The following EEF1E1 variants were observed in gnomAD, a reference collection of about 807,000 sequenced individuals.
The protein encoded by EEF1E1 is eukaryotic translation elongation factor 1 epsilon-1.
Under a neutral mutation model 19.9 loss-of-function variants are expected in EEF1E1, and 19 were observed. That is an observed-to-expected ratio of 0.95 (90% confidence interval 0.66 to 1.40). The LOEUF (loss-of-function observed/expected upper bound fraction) is 1.40. EEF1E1 is among the 40% of genes most tolerant of loss of function. The probability of loss-of-function intolerance (pLI) is 0.00; values close to 1 mark genes in which losing one functional copy is unlikely to be tolerated. For synonymous variants in EEF1E1, 81 were observed against 80.0 expected (o/e 1.01, Z -0.07); for missense variants, 198 against 202.2 (o/e 0.98, Z 0.13).
At chr6:8,077,762 T>A (rs7748993), downstream of EEF1E1, among the ~76,000 whole-genome samples, 29,583 of 152,174 alleles carry the variant, frequency 0.19, 3,098 homozygotes, top group Admixed American at 0.26. Context: ...CGCTTTCCTA[T>A]CATCTGTGTG....
chr6:8,087,286 C>T (rs1170429367), intron 3 of EEF1E1, among the ~76,000 whole-genome samples: 1 of 152,186 alleles, frequency 6.6e-6, no homozygotes, highest in Admixed American at 6.5e-5. Flanking sequence ...GGTGCGATCT[C>T]TGCTCAGGGC....
chr6:8,099,792 A>AC (rs1554099745), intron 1 of EEF1E1, among the ~76,000 whole-genome samples: 7,705 of 77,982 alleles, frequency 0.099, 288 homozygotes, highest in Non-Finnish European at 0.12. Flanking sequence ...ACACACACAC[A>AC]AAAAAAAAAC....
intron 3 of EEF1E1, among the ~76,000 whole-genome samples, chr6:8,085,834 T>C (rs1371247199): frequency 6.6e-6 from 1 of 152,210 alleles, no homozygotes; most frequent in African/African-American, 2.4e-5. Flanking sequence ...GCCTCATGCA[T>C]TAATAACATA....
intron 3 of EEF1E1, among the ~76,000 whole-genome samples, chr6:8,074,047 G>A (rs1757537203): frequency 1.3e-5 from 2 of 152,192 alleles, no homozygotes; most frequent in African/African-American, 4.8e-5. Context: ...GAATTGATAA[G>A]GTTGGGAGAG....
At chr6:8,096,329 T>C (rs1414598860) in intron 2 of EEF1E1, among the ~76,000 whole-genome samples, 1 of 152,194 alleles carries the variant, frequency 6.6e-6, no homozygotes, top group Non-Finnish European at 1.5e-5. Flanking sequence ...CCCCTGGAAA[T>C]GCTGTGAATA....
At chr6:8,092,977 C>T (rs968793825) in intron 2 of EEF1E1, among the ~76,000 whole-genome samples, 3 of 144,188 alleles carry the variant, frequency 2.1e-5, no homozygotes, top group East Asian at 2.1e-4. Context: ...AGGGTTCAAG[C>T]GATTCTCCTG....
At chr6:8,101,530 A>G (rs1449282331) in intron 1 of EEF1E1, among the ~76,000 whole-genome samples, 1 of 151,636 alleles carries the variant, frequency 6.6e-6, no homozygotes, top group Non-Finnish European at 1.5e-5. Flanking sequence ...GGTTAACTTA[A>G]ATAAAAACTA....
At chr6:8,081,262 A>G (rs9392959) in intron 3 of EEF1E1, among the ~76,000 whole-genome samples, 29,598 of 152,218 alleles carry the variant, frequency 0.19, 3,315 homozygotes, top group Non-Finnish European at 0.26. Flanking sequence ...ACATTATAAA[A>G]ACATATTCAT....
chr6:8,102,363 C>G (rs779175190), intron 1 of EEF1E1, 72 bp downstream of exon 1: 2 of 1,472,098 alleles, frequency 1.4e-6, no homozygotes, highest in Non-Finnish European at 9.2e-7. Context: ...GTGGCCGGCC[C>G]GGGTCCTGCC....
chr6:8,101,243 A>AAAAATATAT (rs1271033598), intron 1 of EEF1E1, among the ~76,000 whole-genome samples: 4 of 58,468 alleles, frequency 6.8e-5, no homozygotes, highest in African/African-American at 2.4e-4. Flanking sequence ...AAAAAAAAAA[A>AAAAATATAT]ATATATATAT....
At chr6:8,096,663 T>G (rs1441737149) in intron 2 of EEF1E1, among the ~76,000 whole-genome samples, 1 of 152,224 alleles carries the variant, frequency 6.6e-6, no homozygotes, top group East Asian at 1.9e-4. Context: ...AAATCTGCCT[T>G]CTTTTTATAT....
chr6:8,101,780 G>C, intron 1 of EEF1E1: 1 of 1,289,218 alleles, frequency 7.8e-7, no homozygotes, highest in Non-Finnish European at 1.0e-6. Context: ...GATGTTTCCC[G>C]CATTCACTGT....
At chr6:8,094,876 C>T (rs1244966669) in intron 2 of EEF1E1, among the ~76,000 whole-genome samples, 1 of 152,122 alleles carries the variant, frequency 6.6e-6, no homozygotes, top group Non-Finnish European at 1.5e-5. Context: ...GAATAGTAAA[C>T]GTATTCCCTC....
chr6:8,083,492 G>C (rs897944143), intron 3 of EEF1E1, among the ~76,000 whole-genome samples: 9 of 151,650 alleles, frequency 5.9e-5, no homozygotes, highest in African/African-American at 1.9e-4. Context: ...CTATCTCCTA[G>C]TGAAATCACT....
downstream of EEF1E1, among the ~76,000 whole-genome samples, chr6:8,076,362 T>C (rs1189075541): frequency 2.0e-5 from 3 of 152,138 alleles, no homozygotes; most frequent in Non-Finnish European, 4.4e-5. Context: ...CTCGCTCCGT[T>C]GCCCAGGCTG....
At position 8,090,239 on chromosome 6, in the gene EEF1E1, A is replaced by G. The variant is rs768381514; in HGVS notation, c.331T>C (p.Tyr111His). 2 of 1,517,756 alleles carry G rather than the reference A, an allele frequency of 1.3e-6. No homozygotes were observed. Among genetic ancestry groups the G allele is most frequent in the Admixed American group, 5.0e-5 (2 of 40,258 alleles). 94.0% of individuals were successfully genotyped at this position (1,517,756 alleles called of 1,614,324 possible). A position where few individuals can be genotyped will look rare whatever the true frequency, so the allele number is the denominator to read the frequency against. The change falls in exon 3 of 4, where the codon TAT becomes CAT. Residue 111 changes from tyrosine (Y) to histidine (H), a missense_variant. Transcript: ENST00000379715. ...AGTATATCTGCTAATGTAAAGTTATACCCTGTAAGGTAGACTTTATCTTCA... is the reference window on the plus strand; with the variant it reads ...AGTATATCTGCTAATGTAAAGTTATGCCCTGTAAGGTAGACTTTATCTTCA... ...YLEDKVYLTGYNFTLADILLY... is the reference protein window; with the variant it reads ...YLEDKVYLTGHNFTLADILLY...
chr6:8,081,678 C>G (rs1757726885), intron 3 of EEF1E1, among the ~76,000 whole-genome samples: 1 of 152,116 alleles, frequency 6.6e-6, no homozygotes, highest in African/African-American at 2.4e-5. Flanking sequence ...AAAAGCTCAA[C>G]CAGTAATAAA....
chr6:8,092,871 T>G (rs376071256), intron 2 of EEF1E1, among the ~76,000 whole-genome samples: 21,881 of 90,012 alleles, frequency 0.24, 2,476 homozygotes, highest in South Asian at 0.32. Context: ...AAAGACTGCT[T>G]TTTTTTTTTT....
intron 2 of EEF1E1, among the ~76,000 whole-genome samples, chr6:8,093,125 G>A (rs1184506953): frequency 1.3e-5 from 2 of 151,904 alleles, no homozygotes; most frequent in Non-Finnish European, 2.9e-5. Flanking sequence ...GCCTGCCTCG[G>A]CCTCCCAAAG....
Sources: allele counts gnomAD v4.1 joint callset (sites outside exome capture counted in the v4.1 genomes callset), GRCh38; gene constraint gnomAD v4.1.1; transcripts MANE v1.5; gene names NCBI Gene and HGNC (gene_info 2026-07-23, HGNC 2026-07-21).